The following RAI1 variants were observed in gnomAD, a reference collection of about 807,000 sequenced individuals.
RAI1 encodes the protein retinoic acid induced 1.
RAI1 carries 9 observed loss-of-function variants against 123.8 expected under a neutral mutation model. The observed-to-expected ratio is 0.07, with a 90% CI of 0.04 to 0.13. The LOEUF (loss-of-function observed/expected upper bound fraction) is 0.13. Among genes scored for constraint, RAI1 ranks in the 10% least tolerant of loss-of-function variants. The probability of loss-of-function intolerance (pLI) is 1.00; values close to 1 mark genes in which losing one functional copy is unlikely to be tolerated. For synonymous variants in RAI1, 1,231 were observed against 1,127.3 expected (o/e 1.09, Z -1.84); for missense variants, 2,256 against 2,545.8 (o/e 0.89, Z 2.45).
intron 4 of RAI1, among the ~76,000 whole-genome samples, chr17:17,808,498 G>A (rs2143006295): frequency 6.9e-6 from 1 of 145,614 alleles, no homozygotes; most frequent in South Asian, 2.1e-4. Context: ...CCCAGGCAGG[G>A]GTGCAGTGGT....
Position 17,792,612 on chromosome 17 carries a change from G to A in RAI1, c.-16-321G>A, listed in dbSNP as rs112628125. On this transcript the variant is annotated intron_variant, in intron 2 of 5. Coordinates refer to ENST00000353383, the MANE Select transcript of RAI1 (RefSeq NM_030665.4). The stretch of plus-strand genomic sequence containing the variant: ...GCGGGTAGCTCCCCAGTGACCTGGC[G>A]CTGGGCAGCCGGTTTTGCCTCCCGC... Among the ~76,000 whole-genome samples, 884 of 151,584 alleles carry A rather than the reference G, an allele frequency of 5.8e-3. 8 individuals are homozygous for A. The highest frequency in any genetic ancestry group is 0.019 in the African/African-American group (800 of 41,120).
In RAI1 at chr17:17,809,822, T is replaced by C. The variant is rs1193671029; in HGVS notation, c.5710-148T>C. 9.7e-7 allele frequency: 1 copy of C among 1,027,264 alleles called. No homozygotes were observed. Among genetic ancestry groups the C allele is most frequent in the Admixed American group, 2.2e-5 (1 of 44,582 alleles). The allele number at this position is 1,027,264 out of a possible 1,614,324, so 63.6% of individuals were successfully genotyped here. A position where few individuals can be genotyped will look rare whatever the true frequency, so the allele number is the denominator to read the frequency against. Reference sequence around the variant, plus strand: ...CTGGACGGGGTGGGGCCAGAAGGGGTGGTGCCGACGGCCTCGGGCGGAGAC... The same window carrying C: ...CTGGACGGGGTGGGGCCAGAAGGGGCGGTGCCGACGGCCTCGGGCGGAGAC... On this transcript the variant is annotated intron_variant, in intron 5 of 5. Transcript: ENST00000353383. This position sits in a 1 kb window ranked among gnomAD's most constrained non-coding sequence, Gnocchi z 4.9.
At chr17:17,774,380 A>T (rs115448202) in intron 2 of RAI1, among the ~76,000 whole-genome samples, 1,983 of 152,328 alleles carry the variant, frequency 0.013, 43 homozygotes, top group African/African-American at 0.043. Context: ...GTCTGGAAAA[A>T]GCCAGCTCTG....
At chr17:17,731,609 A>C (rs1321971121) in intron 2 of RAI1, among the ~76,000 whole-genome samples, 2 of 152,202 alleles carry the variant, frequency 1.3e-5, no homozygotes, top group Non-Finnish European at 2.9e-5. Context: ...GGAGAGGCTT[A>C]AGAGGATCAG....
chr17:17,707,808 G>C (rs1049812406), intron 1 of RAI1, among the ~76,000 whole-genome samples: 15 of 152,164 alleles, frequency 9.9e-5, no homozygotes, highest in Non-Finnish European at 1.6e-4. Flanking sequence ...TGCCCAGGCT[G>C]GTCTCAAACT....
chr17:17,808,857 T>C (rs2032649776), intron 4 of RAI1, among the ~76,000 whole-genome samples: 2 of 152,156 alleles, frequency 1.3e-5, no homozygotes, highest in African/African-American at 4.8e-5. Flanking sequence ...TAGCAGATGC[T>C]CAAATCCAGG....
intron 3 of RAI1, 116 bp from the exon 4 acceptor site, chr17:17,803,640 C>G: frequency 2.1e-6 from 2 of 942,574 alleles, no homozygotes; most frequent in South Asian, 2.6e-5. Flanking sequence ...CCCACCTTGG[C>G]CTCCCAGAGT....
chr17:17,769,903 G>GTGGT (rs1373194933), intron 2 of RAI1, among the ~76,000 whole-genome samples: 2 of 152,034 alleles, frequency 1.3e-5, no homozygotes, highest in Non-Finnish European at 2.9e-5. Flanking sequence ...CCCTCAGGAG[G>GTGGT]TGGTTGTGGG....
intron 2 of RAI1, among the ~76,000 whole-genome samples, chr17:17,734,237 C>A (rs1309718437): frequency 1.3e-5 from 2 of 151,880 alleles, no homozygotes. Context: ...TAGCCCCCAA[C>A]GACCAAAAGG....
intron 2 of RAI1, among the ~76,000 whole-genome samples, chr17:17,735,279 C>G (rs577163502): frequency 1.3e-5 from 2 of 151,424 alleles, no homozygotes; most frequent in East Asian, 3.9e-4. Flanking sequence ...GTCTTGAACT[C>G]CTGTCCTCAG....
intron 2 of RAI1, among the ~76,000 whole-genome samples, chr17:17,784,979 G>C (rs2031772576): frequency 6.6e-6 from 1 of 152,048 alleles, no homozygotes; most frequent in East Asian, 1.9e-4. Flanking sequence ...CCTTCTTCCA[G>C]CCTTCCCTGA....
chr17:17,783,067 G>A (rs2031660565), intron 2 of RAI1, among the ~76,000 whole-genome samples: 1 of 50 alleles, frequency 0.02, no homozygotes, highest in South Asian at 0.5. Flanking sequence ...TGAATGATGG[G>A]GGCTGGTGGC....
At chr17:17,806,273 A>G (rs1172179343) in intron 4 of RAI1, among the ~76,000 whole-genome samples, 1 of 152,250 alleles carries the variant, frequency 6.6e-6, no homozygotes, top group Non-Finnish European at 1.5e-5. Context: ...TGGGACTTGT[A>G]TACTAGGCTT....
At position 17,686,608 on chromosome 17, in the gene RAI1, T is replaced by TGCGCGCGCGC. The variant is rs1555552150; in HGVS notation, c.-149+4817_-149+4818insGCGCGCGCGC. ...GTGTGTGTGTGTGTGTGTGTGTGTG[T>TGCGCGCGCGC]GCACGCGCGCGCCGGGGAGGGGAGA... On this transcript the variant is annotated intron_variant, in intron 1 of 5. Transcript: ENST00000353383. Among the ~76,000 whole-genome samples the TGCGCGCGCGC allele has an allele frequency of 6.0e-3, 825 of 137,846 alleles. 20 individuals are homozygous for TGCGCGCGCGC. The highest frequency in any genetic ancestry group is 0.021 in the African/African-American group (778 of 36,218). The allele number at this position is 137,846 out of a possible 152,430, so 90.4% of individuals were successfully genotyped here.
Position 17,795,822 on chromosome 17 carries a change from G to A in RAI1, c.2874G>A (p.Gly958=), listed in dbSNP as rs1368305403. 8 of 1,613,446 alleles carry A rather than the reference G, an allele frequency of 5.0e-6. No homozygotes were observed. The highest frequency in any genetic ancestry group is 5.9e-6 in the Non-Finnish European group (7 of 1,180,034). The change falls in exon 3 of 6, where the codon GGG becomes GGA. Residue 958 remains glycine, a synonymous_variant. Transcript: ENST00000353383. The surrounding 1 kb of genome is among the most constrained non-coding windows in gnomAD (Gnocchi z 5.9). ...HMKPGEEGPD[G]ERAPGDSTTS... is the part of the protein sequence containing the mutation. Reference sequence around the variant, plus strand: ...AGCCAGGTGAAGAGGGGCCTGATGGGGAGCGAGCTCCAGGGGATTCCACCA... The same window carrying A: ...AGCCAGGTGAAGAGGGGCCTGATGGAGAGCGAGCTCCAGGGGATTCCACCA...
At chr17:17,767,397 A>T (rs534143473) in intron 2 of RAI1, among the ~76,000 whole-genome samples, 99 of 152,208 alleles carry the variant, frequency 6.5e-4, no homozygotes, top group South Asian at 2.1e-3. Context: ...TGGTCTTTTT[A>T]AAAAAACTCG....
In RAI1 at chr17:17,796,860, C is replaced by T. The variant is rs201207099; in HGVS notation, c.3912C>T (p.Leu1304=). 19 of 1,612,896 alleles carry T rather than the reference C, an allele frequency of 1.2e-5. No homozygotes were observed. Among genetic ancestry groups the T allele is most frequent in the Middle Eastern group, 3.3e-4 (2 of 6,062 alleles). The part of the protein sequence containing the change: ...PPETPDACLK[L]ASRAAFQGAM... Reference sequence around the variant, plus strand: ...AGACCCCCGATGCCTGCCTCAAGCTCGCCTCTCGGGCAGCCTTCCAGGGGG... The same window carrying T: ...AGACCCCCGATGCCTGCCTCAAGCTTGCCTCTCGGGCAGCCTTCCAGGGGG... The change falls in exon 3 of 6, where the codon CTC becomes CTT. Residue 1304 remains leucine (L), a synonymous_variant. Coordinates refer to ENST00000353383, the MANE Select transcript of RAI1 (RefSeq NM_030665.4). The surrounding 1 kb of genome is among the most constrained non-coding windows in gnomAD (Gnocchi z 5.8).
intron 2 of RAI1, among the ~76,000 whole-genome samples, chr17:17,785,272 A>G (rs938466470): frequency 6.6e-6 from 1 of 152,152 alleles, no homozygotes; most frequent in African/African-American, 2.4e-5. Flanking sequence ...CAGGCCCCTC[A>G]TCCTCAAACC....
At chr17:17,784,201 C>G (rs2031736463) in intron 2 of RAI1, among the ~76,000 whole-genome samples, 1 of 152,150 alleles carries the variant, frequency 6.6e-6, no homozygotes, top group Admixed American at 6.5e-5. Flanking sequence ...GAGGGGGTGC[C>G]AATTCCCCGC....
Sources: gnomAD v4.1 joint callset for allele counts (sites outside exome capture counted in the v4.1 genomes callset) on GRCh38, gnomAD v4.1.1 for gene constraint, Gnocchi (gnomAD v3.1) non-coding constraint, MANE v1.5 for transcripts, NCBI Gene and HGNC (gene_info 2026-07-23, HGNC 2026-07-21) for gene names.